Variants in ABCF3 observed in about 807,000 individuals in gnomAD.
ABCF3 encodes ATP-binding cassette sub-family F member 3.
In ABCF3, 62 loss-of-function variants were observed where a neutral mutation model predicts 94.3. The observed-to-expected ratio is 0.66, with a 90% confidence interval of 0.54 to 0.81. ABCF3 has a LOEUF of 0.81. Ranked by LOEUF, ABCF3 falls within the 40% of genes least tolerant of loss-of-function variation. The pLI, the probability that ABCF3 is intolerant of heterozygous loss-of-function variation, is 0.00. For missense variants in ABCF3, 843 were observed against 925.3 expected, an observed-to-expected ratio of 0.91 and a Z score of 1.15; for synonymous variants, 355 against 361.1, an observed-to-expected ratio of 0.98 and a Z score of 0.19.
chr3:184,189,327 C>T, intron 11 of ABCF3, 50 bp downstream of exon 11: 1 of 1,614,180 alleles, frequency 6.2e-7, no homozygotes, highest in South Asian at 1.1e-5. Context: ...GGGGTGGTAG[C>T]ATCCAAGTTC....
chr3:184,192,478 A>T, intron 16 of ABCF3, 123 bp from the exon 17 acceptor site: 1 of 926,500 alleles, frequency 1.1e-6, no homozygotes, highest in Non-Finnish European at 1.6e-6. Flanking sequence ...CCCAGCCTCT[A>T]GTAACCACAA....
rs779681544 is a variant in ABCF3 at position 184,192,909 on chromosome 3, T to A, written c.1750+13T>A. The A allele has an allele frequency of 6.8e-6, 11 of 1,613,302 alleles. No individual in the cohort carries two copies. The South Asian group carries it at 1.2e-4, about 18-fold the overall frequency. On this transcript the variant is annotated intron_variant, in intron 18 of 20. Coordinates refer to ENST00000429586, the MANE Select transcript of ABCF3 (RefSeq NM_018358.3). ...CGCAAGTTTCCTGGTGAGTTAGGGATTTGAGTCGGGGGAAGAGTTTGAGTA... is the reference window on the plus strand; with the variant it reads ...CGCAAGTTTCCTGGTGAGTTAGGGAATTGAGTCGGGGGAAGAGTTTGAGTA...
chr3:184,189,998 C>T, intron 14 of ABCF3, 67 bp downstream of exon 14: 1 of 1,540,700 alleles, frequency 6.5e-7, no homozygotes, highest in Non-Finnish European at 8.9e-7. Context: ...ATTTGCACGC[C>T]ACCCTTGCCC....
chr3:184,187,803 T>G, intron 5 of ABCF3, 42 bp downstream of exon 5: 1 of 1,614,064 alleles, frequency 6.2e-7, no homozygotes, highest in South Asian at 1.1e-5. Context: ...CAGAGCAGCT[T>G]TTGCCTGGAC....
rs746799914 is a variant in ABCF3 at position 184,188,160 on chromosome 3, G to A, written c.589G>A (p.Asp197Asn). ...CTGCAGAGTACTGCTGGCTGGAGCG[G>A]ATGTGAACCTGGCATGGGGCCGCCG... ...FGDRVLLAGA[D>N]VNLAWGRRYG... is the part of the protein sequence containing the mutation. The change falls in exon 7 of 21, where the codon GAT becomes AAT. Residue 197 changes from aspartate to asparagine, a missense_variant. Transcript: ENST00000429586. 2 of 1,613,896 alleles carry A rather than the reference G, an allele frequency of 1.2e-6. No individual in the cohort carries two copies. Among genetic ancestry groups the A allele is most frequent in the African/African-American group, 2.7e-5 (2 of 74,940 alleles).
rs760528913 is a variant in ABCF3 at position 184,189,593 on chromosome 3, C to T, written c.1150C>T (p.Arg384Cys). ...PSTILVVSHD[R>C]NFLNAIATDI... The stretch of plus-strand genomic sequence containing the variant: ...CACCATCCTAGTCGTCTCCCACGAC[C>T]GCAACTTCTTGAATGCCATCGCCAC... Residue 384 changes from arginine (R) to cysteine (C), a missense_variant, in exon 13 of 21, where the codon CGC becomes TGC. Coordinates refer to ENST00000429586, the MANE Select transcript of ABCF3 (RefSeq NM_018358.3). 4.3e-6 allele frequency: 7 copies of T among 1,614,060 alleles called. No homozygotes were observed. Among genetic ancestry groups the T allele is most frequent in the Middle Eastern group, 1.6e-4 (1 of 6,084 alleles).
intron 17 of ABCF3, 44 bp downstream of exon 17, chr3:184,192,733 G>T: frequency 1.9e-6 from 3 of 1,608,618 alleles, no homozygotes; most frequent in Non-Finnish European, 2.6e-6. Flanking sequence ...ACATTTGCAG[G>T]CACCCATGCT....
At position 184,189,903 on chromosome 3, in the gene ABCF3, C is replaced by G. The variant is rs1715907705; in HGVS notation, c.1363C>G (p.Gln455Glu). The G allele has an allele frequency of 6.2e-7, 1 of 1,614,092 alleles. No homozygotes were observed. Among genetic ancestry groups the G allele is most frequent in the Non-Finnish European group, 8.5e-7 (1 of 1,180,040 alleles). ...CAATGCCAACAGGGCCTCTCAAGTG[C>G]AGAGTAAACTCAAGATGCTGGAGAA... is the stretch of plus-strand genomic sequence containing the variant. ...RYNANRASQV[Q>E]SKLKMLEKLP... Residue 455 changes from glutamine to glutamate, a missense_variant, in exon 14 of 21, where the codon CAG becomes GAG. Coordinates refer to ENST00000429586, the MANE Select transcript of ABCF3 (RefSeq NM_018358.3).
intron 4 of ABCF3, 37 bp downstream of exon 4, chr3:184,187,480 A>T: frequency 6.2e-7 from 1 of 1,600,976 alleles, no homozygotes; most frequent in Non-Finnish European, 8.5e-7. Context: ...ACTGTCTGTG[A>T]TGGGGTTGGG....
rs1373339247 is a variant in ABCF3 at position 184,193,753 on chromosome 3, G to A, written c.*55G>A. 1 of 1,505,930 alleles carries A rather than the reference G, an allele frequency of 6.6e-7. No individual in the cohort carries two copies. Among genetic ancestry groups the A allele is most frequent in the Non-Finnish European group, 8.9e-7 (1 of 1,123,768 alleles). 93.3% of individuals were successfully genotyped at this position (1,505,930 alleles called of 1,614,324 possible). ...ATGGACTGGTCTCTCAGACCCCTGG[G>A]CCACCATGTAGGCCACCACTCCAGG... On this transcript the variant is annotated 3_prime_UTR_variant, in exon 21 of 21. Coordinates refer to ENST00000429586, the MANE Select transcript of ABCF3 (RefSeq NM_018358.3). This position sits in a 1 kb window ranked among gnomAD's most constrained non-coding sequence, Gnocchi z 5.2.
chr3:184,189,843 C>T lies in ABCF3; in HGVS notation c.1315-12C>T, dbSNP rs1715903071. On this transcript the variant is annotated splice_polypyrimidine_tract_variant and intron_variant, in intron 13 of 20. Transcript: ENST00000429586. ...GGGAATTTGACCAATGCCTACACTCCTCCACCTGCAGGTTTTCATTGACCG... is the reference window on the plus strand; with the variant it reads ...GGGAATTTGACCAATGCCTACACTCTTCCACCTGCAGGTTTTCATTGACCG... 6.2e-7 allele frequency: 1 copy of T among 1,614,190 alleles called. No individual in the cohort carries two copies.
In ABCF3 at chr3:184,191,749, C is replaced by CTTT. The variant is rs375009324; in HGVS notation, c.1569+506_1569+508dup. ...GCATTTTTCTGTAGAGTTAGAGTTC[C>CTTT]TTTTTTTTTTTTTTCGGAGACAGAG... is the stretch of plus-strand genomic sequence containing the variant. On this transcript the variant is annotated intron_variant, in intron 16 of 20. Transcript: ENST00000429586. Among the ~76,000 whole-genome samples the CTTT allele has an allele frequency of 9.5e-4, 109 of 114,708 alleles. 16 individuals are homozygous for CTTT. Among genetic ancestry groups the CTTT allele is most frequent in the South Asian group, 8.2e-3 (31 of 3,772 alleles). 75.3% of individuals were successfully genotyped at this position (114,708 alleles called of 152,430 possible). A position where few individuals can be genotyped will look rare whatever the true frequency, so the allele number is the denominator to read the frequency against.
At chr3:184,187,510 G>C (rs1715714384) in intron 4 of ABCF3, 67 bp downstream of exon 4, 1 of 1,563,810 alleles carries the variant, frequency 6.4e-7, no homozygotes. Context: ...TCTAATTGGA[G>C]TATCTTTTGG....
intron 14 of ABCF3, 71 bp from the exon 15 acceptor site, chr3:184,190,928 A>G: frequency 6.4e-7 from 1 of 1,564,956 alleles, no homozygotes; most frequent in Non-Finnish European, 8.7e-7. Flanking sequence ...GTTTTCTCTG[A>G]ACATATATTA....
chr3:184,187,535 A>T (rs1339797935), intron 4 of ABCF3, 92 bp downstream of exon 4: 2 of 1,543,244 alleles, frequency 1.3e-6, no homozygotes, highest in Non-Finnish European at 1.8e-6. Flanking sequence ...ATTTCTGACT[A>T]TGTCTTTTCC....
At position 184,193,625 on chromosome 3, in the gene ABCF3, C is replaced by T; in HGVS notation, c.2057C>T (p.Thr686Ile). The change falls in exon 21 of 21, where the codon ACC (threonine) becomes ATC (isoleucine). Residue 686 changes from threonine (T) to isoleucine (I), a missense_variant. Coordinates refer to ENST00000429586, the MANE Select transcript of ABCF3 (RefSeq NM_018358.3). This position sits in a 1 kb window ranked among gnomAD's most constrained non-coding sequence, Gnocchi z 5.2. Reference sequence around the variant, plus strand: ...TGGGTATGCGAAGGAGGCGGCGTCACCCGTGTGGAAGGAGGATTTGACCAG... The same window carrying T: ...TGGGTATGCGAAGGAGGCGGCGTCATCCGTGTGGAAGGAGGATTTGACCAG... ...ELWVCEGGGV[T>I]RVEGGFDQYR... is the part of the protein sequence containing the mutation. 6.2e-7 allele frequency: 1 copy of T among 1,614,146 alleles called. No homozygotes were observed. The highest frequency in any genetic ancestry group is 1.1e-5 in the South Asian group (1 of 91,086).
In ABCF3 at chr3:184,189,266, T is replaced by C. The variant is rs1715853922; in HGVS notation, c.1046T>C (p.Leu349Pro). 3.1e-6 allele frequency: 5 copies of C among 1,614,192 alleles called. No homozygotes were observed. Among genetic ancestry groups the C allele is most frequent in the Non-Finnish European group, 4.2e-6 (5 of 1,180,034 alleles). The change falls in exon 11 of 21, where the codon CTG becomes CCG. Residue 349 changes from leucine to proline, a missense_variant. Physicochemically the swap from Leu to Pro is moderately conservative, Grantham distance 98 (BLOSUM62 -3). Transcript: ENST00000429586. ...ATTGTTTTTCATAGGCCAGATCTTC[T>C]GCTGTTAGATGGTGAGTTTGAAATG... ...ARALFARPDLLLLDEPTNMLD... is the reference protein window; with the variant it reads ...ARALFARPDLPLLDEPTNMLD...
intron 17 of ABCF3, 22 bp downstream of exon 17, chr3:184,192,711 G>A (rs1433300649): frequency 6.2e-7 from 1 of 1,609,098 alleles, no homozygotes. Context: ...CCGCACCCCT[G>A]CCCCCATGAG....
chr3:184,193,722 C>G lies in ABCF3; in HGVS notation c.*24C>G, dbSNP rs772762812. 1 of 1,576,720 alleles carries G rather than the reference C, an allele frequency of 6.3e-7. No individual in the cohort carries two copies. The highest frequency in any genetic ancestry group is 1.2e-5 in the South Asian group (1 of 85,630). On this transcript the variant is annotated 3_prime_UTR_variant, in exon 21 of 21. Transcript: ENST00000429586. This position sits in a 1 kb window ranked among gnomAD's most constrained non-coding sequence, Gnocchi z 5.2. Reference sequence around the variant, plus strand: ...AGGGCCACCAGGCTGAGGACTCGCCCAGGACATGGACTGGTCTCTCAGACC... The same window carrying G: ...AGGGCCACCAGGCTGAGGACTCGCCGAGGACATGGACTGGTCTCTCAGACC...
Sources: gnomAD v4.1 joint callset for allele counts (sites outside exome capture counted in the v4.1 genomes callset) on GRCh38, gnomAD v4.1.1 for gene constraint, Gnocchi (gnomAD v3.1) non-coding constraint, MANE v1.5 for transcripts, NCBI Gene and HGNC (gene_info 2026-07-23, HGNC 2026-07-21) for gene names.